The following SRGAP2C variants were observed in gnomAD, a reference collection of about 807,000 sequenced individuals.
SRGAP2C encodes the protein SLIT-ROBO Rho GTPase-activating protein 2C.
In SRGAP2C, 15 loss-of-function variants were observed where a neutral mutation model predicts 25.1. That is an observed-to-expected ratio of 0.60 (90% CI 0.40 to 0.92). The LOEUF is 0.92. SRGAP2C is among the 40% of genes least tolerant of loss of function. The pLI is 0.00. For missense variants in SRGAP2C, 144 were observed against 264.4 expected (o/e 0.54, Z 3.16); for synonymous variants, 44 against 96.6 (o/e 0.46, Z 3.19).
At chr1:121,379,363 TGA>T (rs1659754197) in intron 7 of SRGAP2C, among the ~76,000 whole-genome samples, 1 of 149,868 alleles carries the variant, frequency 6.7e-6, no homozygotes. Flanking sequence ...TGATTTCCCC[TGA>T]GAGATTTTTC....
At chr1:121,335,223 G>A (rs1475138330) in intron 4 of SRGAP2C, among the ~76,000 whole-genome samples, 1 of 150,570 alleles carries the variant, frequency 6.6e-6, no homozygotes, top group African/African-American at 2.4e-5. Context: ...AACCCGGAAG[G>A]TGGAGTTTGC....
At chr1:121,223,046 A>G (rs1286545235) in intron 2 of SRGAP2C, among the ~76,000 whole-genome samples, 4 of 152,082 alleles carry the variant, frequency 2.6e-5, no homozygotes, top group Non-Finnish European at 5.9e-5. Context: ...CAATTCATTA[A>G]GATAAAGACT....
rs1327182587 is a variant in SRGAP2C, at chr1:121,389,166, T to C, written c.*1311T>C. 1 of 152,188 alleles carries C rather than the reference T, an allele frequency of 6.6e-6. No individual in the cohort carries two copies. The highest frequency in any genetic ancestry group is 2.4e-5 in the African/African-American group (1 of 41,466). 9.4% of individuals were successfully genotyped at this position (152,188 alleles called of 1,614,324 possible). On this transcript the variant is annotated 3_prime_UTR_variant, in exon 10 of 10. Transcript: ENST00000367123. Reference sequence around the variant, plus strand: ...TCTTTAAGCATATTTATGAGTAAAATATTAAAACCTATACAAAAAAATAAC... The same window carrying C: ...TCTTTAAGCATATTTATGAGTAAAACATTAAAACCTATACAAAAAAATAAC...
intron 7 of SRGAP2C, among the ~76,000 whole-genome samples, chr1:121,377,909 TTAGA>T (rs1659708828): frequency 2.0e-5 from 3 of 151,544 alleles, no homozygotes; most frequent in Admixed American, 6.6e-5. Flanking sequence ...AACTTTTATG[TTAGA>T]TATGTATGTA....
chr1:121,336,678 T>C (rs1658521520), intron 4 of SRGAP2C, among the ~76,000 whole-genome samples: 1 of 91,248 alleles, frequency 1.1e-5, no homozygotes, highest in Non-Finnish European at 2.4e-5. Flanking sequence ...ATCTACTGTT[T>C]TAGTCAAGAA....
At chr1:121,288,185 CA>C (rs1657417113) in intron 3 of SRGAP2C, among the ~76,000 whole-genome samples, 1 of 130,028 alleles carries the variant, frequency 7.7e-6, no homozygotes, top group South Asian at 2.8e-4. Context: ...GAGATAGATA[CA>C]AAGGTTCTCC....
chr1:121,392,336 C>A lies in SRGAP2C; in HGVS notation c.*4481C>A, dbSNP rs1660121456. Reference sequence around the variant, plus strand: ...TTTCTTCCTCTTCCTTTCTCTTCTTCTTTCTCGCCTTCATTATCCCTTTCG... The same window carrying A: ...TTTCTTCCTCTTCCTTTCTCTTCTTATTTCTCGCCTTCATTATCCCTTTCG... On this transcript the variant is annotated 3_prime_UTR_variant, in exon 10 of 10. Transcript: ENST00000367123. 2.6e-5 allele frequency: 4 copies of A among 152,108 alleles called. No individual in the cohort carries two copies. 9.4% of individuals were successfully genotyped at this position (152,108 alleles called of 1,614,324 possible).
At chr1:121,350,371 CTAATATA>C (rs1364085866) in intron 4 of SRGAP2C, among the ~76,000 whole-genome samples, 8 of 135,828 alleles carry the variant, frequency 5.9e-5, no homozygotes, top group African/African-American at 2.2e-4. Flanking sequence ...CATCCTAGAC[CTAATATA>C]TCTCTCATCA....
intron 2 of SRGAP2C, among the ~76,000 whole-genome samples, chr1:121,279,647 C>T (rs1408300881): frequency 6.8e-6 from 1 of 147,068 alleles, no homozygotes; most frequent in Non-Finnish European, 1.5e-5. Context: ...GTTAGTGTCT[C>T]AGCTGTGGCC....
rs1307260759 is a variant in SRGAP2C at position 121,185,171 on chromosome 1, TG to T, written c.-543+49del. 16 of 452,448 alleles carry T rather than the reference TG, an allele frequency of 3.5e-5. 1 individual carries two copies. The highest frequency in any genetic ancestry group is 2.1e-4 in the Admixed American group (5 of 23,894). 28.0% of individuals were successfully genotyped at this position (452,448 alleles called of 1,614,324 possible). On this transcript the variant is annotated intron_variant, in intron 1 of 9. Coordinates refer to ENST00000367123, the MANE Select transcript of SRGAP2C (RefSeq NM_001329984.2). Reference sequence around the variant, plus strand: ...CTTTTCTTCCTCCCGGCCGCCGGGCTGGAGCCCTGACTGAACAAACCCGGGC... The same window carrying T: ...CTTTTCTTCCTCCCGGCCGCCGGGCTGAGCCCTGACTGAACAAACCCGGGC...
At chr1:121,375,865 G>A (rs1659631008) in intron 7 of SRGAP2C, among the ~76,000 whole-genome samples, 1 of 151,588 alleles carries the variant, frequency 6.6e-6, no homozygotes, top group African/African-American at 2.4e-5. Context: ...CCAAGGTTAT[G>A]CTGCAAATTA....
chr1:121,312,821 T>G (rs1657995925), intron 3 of SRGAP2C, among the ~76,000 whole-genome samples: 1 of 18,954 alleles, frequency 5.3e-5, no homozygotes, highest in African/African-American at 2.1e-4. Flanking sequence ...CTTTTACATT[T>G]GCTGAGGAGA....
intron 4 of SRGAP2C, among the ~76,000 whole-genome samples, chr1:121,332,052 A>T (rs1188141944): frequency 1.9e-5 from 2 of 106,250 alleles, no homozygotes; most frequent in African/African-American, 7.5e-5. Flanking sequence ...GTGGTACATT[A>T]GACAGACTTT....
At chr1:121,272,827 T>C (rs1366432227) in intron 2 of SRGAP2C, among the ~76,000 whole-genome samples, 1 of 151,906 alleles carries the variant, frequency 6.6e-6, no homozygotes, top group East Asian at 1.9e-4. Context: ...CAGTGGTCCC[T>C]CTTTGTGAAA....
chr1:121,308,170 C>G (rs1657886574), intron 3 of SRGAP2C, among the ~76,000 whole-genome samples: 1 of 111,060 alleles, frequency 9.0e-6, no homozygotes, highest in Non-Finnish European at 2.0e-5. Context: ...AATGTAATAA[C>G]CACCACAATG....
intron 2 of SRGAP2C, among the ~76,000 whole-genome samples, chr1:121,201,586 C>A (rs587717893): frequency 6.6e-6 from 1 of 152,262 alleles, no homozygotes; most frequent in Non-Finnish European, 1.5e-5. Flanking sequence ...TAGGCATGCG[C>A]GTGTGCGCGC....
intron 2 of SRGAP2C, among the ~76,000 whole-genome samples, chr1:121,282,845 A>G (rs1190335616): frequency 5.3e-5 from 8 of 150,908 alleles, no homozygotes; most frequent in African/African-American, 1.9e-4. Context: ...GGCGTGAGCC[A>G]CCGCACCTGG....
At chr1:121,276,613 TTCTC>T (rs1265368440) in intron 2 of SRGAP2C, among the ~76,000 whole-genome samples, 1 of 82,790 alleles carries the variant, frequency 1.2e-5, no homozygotes, top group Non-Finnish European at 2.4e-5. Flanking sequence ...TTCCTTCCCT[TTCTC>T]TCTCTCTTTC....
chr1:121,224,051 A>T (rs1276528738), intron 2 of SRGAP2C, among the ~76,000 whole-genome samples: 5 of 152,228 alleles, frequency 3.3e-5, no homozygotes, highest in African/African-American at 9.7e-5. Context: ...AGCATTGACT[A>T]TGTGCAAGAG....
Sources: allele counts gnomAD v4.1 joint callset (sites outside exome capture counted in the v4.1 genomes callset), GRCh38; gene constraint gnomAD v4.1.1; transcripts MANE v1.5; gene names NCBI Gene and HGNC (gene_info 2026-07-23, HGNC 2026-07-21).